The following UNC13A variants were observed in gnomAD, a reference collection of about 807,000 sequenced individuals.
UNC13A encodes the protein protein unc-13 homolog A.
In UNC13A, 61 loss-of-function variants were observed where a neutral mutation model predicts 219.7. The ratio of observed to expected loss-of-function variants is 0.28; its 90% CI spans 0.23 to 0.34. The LOEUF (loss-of-function observed/expected upper bound fraction) is 0.34. UNC13A is among the 10% of genes least tolerant of loss of function. UNC13A has a pLI of 1.00. For synonymous variants in UNC13A, 920 were observed against 884.6 expected, an observed-to-expected ratio of 1.04 and a Z score of -0.71; for missense variants, 1,476 against 2,270.3, an observed-to-expected ratio of 0.65 and a Z score of 7.11.
chr19:17,619,677 C>T (rs202040405), intron 38 of UNC13A, among the ~76,000 whole-genome samples: 1 of 152,244 alleles, frequency 6.6e-6, no homozygotes, highest in East Asian at 1.9e-4. Context: ...AATCGATCCT[C>T]CTACCTCAGC....
chr19:17,628,062 T>C (rs2144990540), intron 31 of UNC13A, 122 bp from the exon 32 acceptor site: 1 of 847,208 alleles, frequency 1.2e-6, no homozygotes, highest in Non-Finnish European at 1.9e-6. Flanking sequence ...TGGGGTCCCA[T>C]GGGGTCACCT....
At chr19:17,672,118 C>G (rs1391008941) in intron 4 of UNC13A, among the ~76,000 whole-genome samples, 1 of 152,088 alleles carries the variant, frequency 6.6e-6, no homozygotes, top group Non-Finnish European at 1.5e-5. Flanking sequence ...CAGCACCTTT[C>G]GGTGGTTGGA....
rs1338203040 is a variant in UNC13A at position 17,639,103 on chromosome 19, G to A, written c.3061C>T (p.Arg1021Trp). The change falls in exon 25 of 44, where the codon CGG (arginine) becomes TGG (tryptophan). Residue 1021 changes from arginine (R) to tryptophan (W), a missense_variant. Coordinates refer to ENST00000519716, the MANE Select transcript of UNC13A (RefSeq NM_001080421.3). ...IFNNCHELYS[R>W]EYQTDPAKKG... Reference sequence around the variant, plus strand: ...CTCACCGGGTCTGTCTGGTACTCCCGGCTGTACAGTTCATGGCAGTTATTG... The same window carrying A: ...CTCACCGGGTCTGTCTGGTACTCCCAGCTGTACAGTTCATGGCAGTTATTG... The A allele has an allele frequency of 6.2e-7, 1 of 1,605,824 alleles. No homozygotes were observed.
At chr19:17,654,028 CAT>C (rs369734476) in intron 11 of UNC13A, among the ~76,000 whole-genome samples, 113 of 151,282 alleles carry the variant, frequency 7.5e-4, no homozygotes, top group African/African-American at 2.6e-3. Flanking sequence ...GGGGTTTCAC[CAT>C]GTTAGCCAGG....
intron 36 of UNC13A, 90 bp from the exon 37 acceptor site, chr19:17,621,960 G>T: frequency 7.5e-7 from 1 of 1,334,694 alleles, no homozygotes. Flanking sequence ...TGGGGATGGG[G>T]GAATCCACAC....
chr19:17,606,460 C>T, intron 43 of UNC13A, 106 bp from the exon 44 acceptor site: 1 of 1,397,904 alleles, frequency 7.2e-7, no homozygotes, highest in Non-Finnish European at 9.5e-7. Context: ...CCGGGGTGCC[C>T]ACACCTGTCA....
In UNC13A at chr19:17,623,527, C is replaced by G; in HGVS notation, c.4203+15G>C. On this transcript the variant is annotated intron_variant, in intron 36 of 43. Coordinates refer to ENST00000519716, the MANE Select transcript of UNC13A (RefSeq NM_001080421.3). ...GAGGACGGACAGACAGACGGACAGA[C>G]GGGACTCTACTTACGATCATCTGTC... 1.3e-6 allele frequency: 2 copies of G among 1,488,256 alleles called. No homozygotes were observed. Among genetic ancestry groups the G allele is most frequent in the Non-Finnish European group, 1.8e-6 (2 of 1,118,816 alleles). The allele number at this position is 1,488,256 out of a possible 1,614,324, so 92.2% of individuals were successfully genotyped here.
chr19:17,666,080 T>C (rs867154853), intron 7 of UNC13A, among the ~76,000 whole-genome samples: 38 of 145,558 alleles, frequency 2.6e-4, no homozygotes, highest in South Asian at 4.6e-4. Flanking sequence ...TTCCTTCCTT[T>C]CCTTTCTTTC....
chr19:17,669,417 T>A, intron 5 of UNC13A, 136 bp downstream of exon 5: 2 of 1,283,382 alleles, frequency 1.6e-6, no homozygotes, highest in Non-Finnish European at 2.1e-6. Context: ...CTCTCTCTCC[T>A]CCGGGGCGAA....
In UNC13A at chr19:17,646,071, T is replaced by C; in HGVS notation, c.2085A>G (p.Gly695=). The part of the protein sequence containing the change: ...AQGLQAKDKT[G]SSDPYVTVQV... ...GGACGGTGACATAGGGGTCACTGGA[T>C]CCTGTCTTGTCCTTTGCCTGCAAGC... The change falls in exon 18 of 44, where the codon GGA becomes GGG. Residue 695 remains glycine (G), a synonymous_variant. Coordinates refer to ENST00000519716, the MANE Select transcript of UNC13A (RefSeq NM_001080421.3). 1.2e-6 allele frequency: 2 copies of C among 1,613,992 alleles called. No homozygotes were observed. The highest frequency in any genetic ancestry group is 1.7e-6 in the Non-Finnish European group (2 of 1,179,906).
chr19:17,613,200 C>T (rs1462617257), intron 41 of UNC13A, among the ~76,000 whole-genome samples: 1 of 151,242 alleles, frequency 6.6e-6, no homozygotes, highest in East Asian at 1.9e-4. Flanking sequence ...CCACTGCACT[C>T]CAGCCTGGGT....
At chr19:17,630,527 A>T (rs2076831811) in intron 29 of UNC13A, 127 bp downstream of exon 29, 2 of 1,217,900 alleles carry the variant, frequency 1.6e-6, no homozygotes, top group Non-Finnish European at 2.3e-6. Flanking sequence ...AAAAGATTTT[A>T]AAAACCATGA....
intron 4 of UNC13A, among the ~76,000 whole-genome samples, chr19:17,670,670 A>G (rs1304306483): frequency 1.3e-5 from 2 of 152,086 alleles, no homozygotes; most frequent in African/African-American, 2.4e-5. Context: ...TTGCGAGGCC[A>G]AGGTGGGCGG....
chr19:17,621,820 G>C lies in UNC13A; in HGVS notation c.4242+12C>G. The stretch of plus-strand genomic sequence containing the variant: ...GGAGCTCAGGGCCTCAGTGAGACGA[G>C]GCCCTCATTACCTTTTCTAATCCCT... On this transcript the variant is annotated intron_variant, in intron 37 of 43. Coordinates refer to ENST00000519716, the MANE Select transcript of UNC13A (RefSeq NM_001080421.3). The C allele has an allele frequency of 6.2e-7, 1 of 1,613,846 alleles. No individual in the cohort carries two copies. Among genetic ancestry groups the C allele is most frequent in the Admixed American group, 1.7e-5 (1 of 60,016 alleles).
rs756883203 is a variant in UNC13A, at chr19:17,627,706, T to C, written c.3832-109A>G. On this transcript the variant is annotated intron_variant, in intron 32 of 43. Coordinates refer to ENST00000519716, the MANE Select transcript of UNC13A (RefSeq NM_001080421.3). The surrounding 1 kb of genome is among the most constrained non-coding windows in gnomAD (Gnocchi z 4.7). Reference sequence around the variant, plus strand: ...GATCCCAAGGGGCTGCAGGGGAAACTGAGGCACAGACCGTTATGCTGCAAG... The same window carrying C: ...GATCCCAAGGGGCTGCAGGGGAAACCGAGGCACAGACCGTTATGCTGCAAG... 4.4e-5 allele frequency: 55 copies of C among 1,250,634 alleles called. No individual in the cohort carries two copies. The highest frequency in any genetic ancestry group is 6.2e-5 in the Non-Finnish European group (55 of 882,390). 77.5% of individuals were successfully genotyped at this position (1,250,634 alleles called of 1,614,324 possible). A position where few individuals can be genotyped will look rare whatever the true frequency, so the allele number is the denominator to read the frequency against.
intron 2 of UNC13A, among the ~76,000 whole-genome samples, chr19:17,675,306 C>G (rs116380172): frequency 6.6e-6 from 1 of 151,684 alleles, no homozygotes; most frequent in Non-Finnish European, 1.5e-5. Context: ...GGCACTCCAG[C>G]CTCAAAAAAT....
intron 43 of UNC13A, among the ~76,000 whole-genome samples, chr19:17,607,420 C>T (rs984541482): frequency 3.1e-5 from 4 of 129,380 alleles, no homozygotes; most frequent in African/African-American, 1.3e-4. Context: ...CACCACCACA[C>T]CGGGCTGATT....
At position 17,603,602 on chromosome 19, in the gene UNC13A, C is replaced by A. The variant is rs1462762682; in HGVS notation, c.*2452G>T. 6.6e-6 allele frequency: 1 copy of A among 152,262 alleles called. No homozygotes were observed. Among genetic ancestry groups the A allele is most frequent in the East Asian group, 1.9e-4 (1 of 5,200 alleles). 9.4% of individuals were successfully genotyped at this position (152,262 alleles called of 1,614,324 possible). On this transcript the variant is annotated 3_prime_UTR_variant, in exon 44 of 44. Coordinates refer to ENST00000519716, the MANE Select transcript of UNC13A (RefSeq NM_001080421.3). ...TCTGAATTTAAGGGACATGCAACAT[C>A]TCCAAGCAAATTAGAAAGTGGCGCC...
chr19:17,662,666 A>G (rs1234788787), intron 8 of UNC13A, among the ~76,000 whole-genome samples: 1 of 152,164 alleles, frequency 6.6e-6, no homozygotes, highest in Non-Finnish European at 1.5e-5. Context: ...CATGCCTGTA[A>G]TCCCAGCACT....
Sources: gnomAD v4.1 joint callset for allele counts (sites outside exome capture counted in the v4.1 genomes callset) on GRCh38, gnomAD v4.1.1 for gene constraint, Gnocchi (gnomAD v3.1) non-coding constraint, MANE v1.5 for transcripts, NCBI Gene and HGNC (gene_info 2026-07-23, HGNC 2026-07-21) for gene names.